Variants in ALDH1A2 observed in about 807,000 individuals in gnomAD.
ALDH1A2 encodes aldehyde dehydrogenase 1 family member A2.
Under a neutral mutation model 60.3 loss-of-function variants are expected in ALDH1A2, and 27 were observed. The observed-to-expected ratio is 0.45, with a 90% confidence interval of 0.33 to 0.62. ALDH1A2 has a LOEUF of 0.62. Among genes scored for constraint, ALDH1A2 ranks in the 20% least tolerant of loss-of-function variants. The pLI is 0.02. For missense variants in ALDH1A2, 581 were observed against 643.8 expected, an observed-to-expected ratio of 0.90 and a Z score of 1.06; for synonymous variants, 289 against 232.4, an observed-to-expected ratio of 1.24 and a Z score of -2.21.
chr15:57,997,129 C>T (rs369839770), intron 4 of ALDH1A2, among the ~76,000 whole-genome samples: 16 of 151,890 alleles, frequency 1.1e-4, no homozygotes, highest in Admixed American at 8.5e-4. Context: ...ATATCTATTA[C>T]GAGAAAAAAT....
At position 58,002,956 on chromosome 15, in the gene ALDH1A2, T is replaced by C. The variant is rs114869799; in HGVS notation, c.493+7693A>G. Among the ~76,000 whole-genome samples the C allele has an allele frequency of 4.2e-3, 646 of 152,038 alleles. 6 individuals are homozygous for C. Among genetic ancestry groups the C allele is most frequent in the African/African-American group, 0.015 (624 of 41,540 alleles). On this transcript the variant is annotated intron_variant, in intron 4 of 12. Coordinates refer to ENST00000249750, the MANE Select transcript of ALDH1A2 (RefSeq NM_003888.4). ...TGATGATAAACTCTATAAATGCCTA[T>C]ACAAACGCTGAAACTGTATGTTAGT...
chr15:58,000,085 A>C (rs939191787), intron 4 of ALDH1A2, among the ~76,000 whole-genome samples: 9 of 152,024 alleles, frequency 5.9e-5, no homozygotes, highest in African/African-American at 1.9e-4. Context: ...GAATATCAAG[A>C]TAAATAGCTA....
rs200488880 is a variant in ALDH1A2, at chr15:58,014,256, T to C, written c.143A>G (p.Asn48Ser). The change falls in exon 2 of 13, where the codon AAC becomes AGC. Residue 48 changes from asparagine (N) to serine (S), a missense_variant. Physicochemically the swap from Asn to Ser is conservative, Grantham distance 46. Around this residue, in one of 2 missense-constraint regions of ALDH1A2, gnomAD observed 206 missense variants for 174.1 expected, o/e 1.18. Coordinates refer to ENST00000249750, the MANE Select transcript of ALDH1A2 (RefSeq NM_003888.4). The stretch of plus-strand genomic sequence containing the variant: ...AGGGAACACTCTCCCACTCTCTGAG[T>C]TCTGCCACTCGTTGTTTATAAAGAT... Reference protein sequence around the residue: ...TKIFINNEWQNSESGRVFPVY... With the variant: ...TKIFINNEWQSSESGRVFPVY... The C allele has an allele frequency of 1.2e-6, 2 of 1,614,080 alleles. No individual in the cohort carries two copies. The highest frequency in any genetic ancestry group is 1.7e-6 in the Non-Finnish European group (2 of 1,179,946).
chr15:58,053,528 T>C (rs1444900039), intron 1 of ALDH1A2, among the ~76,000 whole-genome samples: 1 of 152,186 alleles, frequency 6.6e-6, no homozygotes, highest in East Asian at 1.9e-4. Context: ...GGTTTGTTTT[T>C]TGGCTAAGTG....
At position 57,962,117 on chromosome 15, in the gene ALDH1A2, G is replaced by A. The variant is rs770783533; in HGVS notation, c.1146C>T (p.Gly382=). Reference sequence around the variant, plus strand: ...CTTTGCCTCCACATTCCAGCTTGGCGCCCTCAGCCACACCACTCTGGATGA... The same window carrying A: ...CTTTGCCTCCACATTCCAGCTTGGCACCCTCAGCCACACCACTCTGGATGA... ...LELIQSGVAE[G]AKLECGGKGL... is the part of the protein sequence containing the mutation. Residue 382 remains glycine (G), a synonymous_variant, in exon 10 of 13, where the codon GGC becomes GGT. Coordinates refer to ENST00000249750, the MANE Select transcript of ALDH1A2 (RefSeq NM_003888.4). 29 of 1,613,968 alleles carry A rather than the reference G, an allele frequency of 1.8e-5. No homozygotes were observed. The highest frequency in any genetic ancestry group is 2.7e-5 in the African/African-American group (2 of 74,892).
chr15:58,037,266 A>G (rs1238447642), intron 1 of ALDH1A2, among the ~76,000 whole-genome samples: 3 of 151,782 alleles, frequency 2.0e-5, no homozygotes, highest in African/African-American at 7.2e-5. Context: ...AGAGAAAAAA[A>G]GAATTATGAG....
At chr15:57,957,862 A>G (rs1219916714) in intron 12 of ALDH1A2, among the ~76,000 whole-genome samples, 1 of 152,164 alleles carries the variant, frequency 6.6e-6, no homozygotes, top group Non-Finnish European at 1.5e-5. Flanking sequence ...AGAGCGGAGT[A>G]AAGTCTCCAG....
chr15:58,055,203 CTAACTT>C (rs1566962453), intron 1 of ALDH1A2, among the ~76,000 whole-genome samples: 1 of 152,030 alleles, frequency 6.6e-6, no homozygotes, highest in African/African-American at 2.4e-5. Context: ...CCTGAAAAAA[CTAACTT>C]TAATATGCTT....
At chr15:58,060,101 G>A (rs1399192312) in intron 1 of ALDH1A2, among the ~76,000 whole-genome samples, 2 of 152,050 alleles carry the variant, frequency 1.3e-5, no homozygotes, top group African/African-American at 4.8e-5. Context: ...CATATTTTTA[G>A]TAGAGATGGG....
At chr15:58,004,154 T>C (rs531772647) in intron 4 of ALDH1A2, among the ~76,000 whole-genome samples, 122 of 152,012 alleles carry the variant, frequency 8.0e-4, no homozygotes, top group African/African-American at 2.5e-3. Flanking sequence ...TTCCCAAGTA[T>C]TCTAGTTGAA....
intron 1 of ALDH1A2, among the ~76,000 whole-genome samples, chr15:58,028,285 C>G (rs1164298924): frequency 6.6e-6 from 1 of 152,036 alleles, no homozygotes; most frequent in Non-Finnish European, 1.5e-5. Flanking sequence ...CCAGAATTTC[C>G]CATCCAGCCA....
intron 1 of ALDH1A2, among the ~76,000 whole-genome samples, chr15:58,041,033 T>G (rs1400345003): frequency 6.6e-6 from 1 of 151,928 alleles, no homozygotes; most frequent in African/African-American, 2.4e-5. Flanking sequence ...GGTGGTGCCC[T>G]GGAGCAACTT....
In ALDH1A2 at chr15:58,052,455, G is replaced by A. The variant is rs568974058; in HGVS notation, c.117+13079C>T. ...TTTGTAAGTAACAAAGCTGTTACCA[G>A]GATTTATTTTTTATTTTTTTTATTT... On this transcript the variant is annotated intron_variant, in intron 1 of 12. Coordinates refer to ENST00000249750, the MANE Select transcript of ALDH1A2 (RefSeq NM_003888.4). 1.4e-4 allele frequency among the ~76,000 whole-genome samples: 21 copies of A among 152,126 alleles called. No homozygotes were observed. In the South Asian group the frequency reaches 4.2e-3, roughly 30 times the overall value.
At chr15:58,010,596 G>A (rs1423219868) in intron 4 of ALDH1A2, 53 bp downstream of exon 4, 20 of 1,604,824 alleles carry the variant, frequency 1.2e-5, no homozygotes, top group African/African-American at 1.2e-4. Context: ...TGGCCAAAGC[G>A]CATTTCTGGT....
intron 1 of ALDH1A2, among the ~76,000 whole-genome samples, chr15:58,059,313 A>ATTATT (rs1204638908): frequency 6.6e-6 from 1 of 152,202 alleles, no homozygotes; most frequent in Non-Finnish European, 1.5e-5. Flanking sequence ...CACAGTCAAT[A>ATTATT]AAGAAATTAA....
chr15:57,964,710 T>C (rs553719817), intron 8 of ALDH1A2: 3 of 152,962 alleles, frequency 2.0e-5, no homozygotes, highest in African/African-American at 7.2e-5. Context: ...TAAAATCCTA[T>C]GATAACTCTT....
chr15:57,994,934 T>C (rs927587845), intron 5 of ALDH1A2, 144 bp downstream of exon 5: 9 of 799,602 alleles, frequency 1.1e-5, no homozygotes, highest in Admixed American at 3.5e-5. Flanking sequence ...GCAGGGAGGC[T>C]GTTAAAGATA....
chr15:57,972,357 A>G (rs559435445), intron 7 of ALDH1A2, among the ~76,000 whole-genome samples: 45 of 152,316 alleles, frequency 3.0e-4, no homozygotes, highest in African/African-American at 9.9e-4. Context: ...AACATGTTCA[A>G]CTGCCTTGTA....
chr15:57,980,414 G>C (rs779449343), intron 7 of ALDH1A2: 1 of 365,250 alleles, frequency 2.7e-6, no homozygotes, highest in Admixed American at 2.8e-5. Flanking sequence ...CTTCTGCATG[G>C]AGTGGTTGAT....
Sources: allele counts gnomAD v4.1 joint callset (sites outside exome capture counted in the v4.1 genomes callset), GRCh38; gene constraint gnomAD v4.1.1; regional missense constraint gnomAD v4.1.1; transcripts MANE v1.5; gene names NCBI Gene and HGNC (gene_info 2026-07-23, HGNC 2026-07-21).